Variants in MAML1 observed in about 807,000 individuals in gnomAD.
The protein encoded by MAML1 is mastermind like transcriptional coactivator 1.
In MAML1, 14 loss-of-function variants were observed where a neutral mutation model predicts 77.1. The observed-to-expected ratio is 0.18, with a 90% CI of 0.12 to 0.28. MAML1 has a LOEUF of 0.28. MAML1 is among the 10% of genes least tolerant of loss of function. The pLI, the probability that MAML1 is intolerant of heterozygous loss-of-function variation, is 1.00. For synonymous variants in MAML1, 516 were observed against 551.9 expected (o/e 0.93, Z 0.91); for missense variants, 1,217 against 1,327.8 (o/e 0.92, Z 1.30).
At chr5:179,757,610 G>A (rs1275584662) in intron 1 of MAML1, among the ~76,000 whole-genome samples, 1 of 152,060 alleles carries the variant, frequency 6.6e-6, no homozygotes. Flanking sequence ...TAAAGCCAAT[G>A]GAACTCTAGA....
chr5:179,767,473 A>C (rs990025264), intron 2 of MAML1, among the ~76,000 whole-genome samples: 1 of 152,202 alleles, frequency 6.6e-6, no homozygotes, highest in Admixed American at 6.5e-5. Flanking sequence ...ACATGCTGTA[A>C]AATGTTCATA....
intron 1 of MAML1, among the ~76,000 whole-genome samples, chr5:179,753,611 G>A (rs188689989): frequency 2.6e-5 from 4 of 151,704 alleles, no homozygotes; most frequent in Admixed American, 6.6e-5. Context: ...GATGAATCGG[G>A]GGGGAGAAGT....
chr5:179,753,214 TGTGTGTGTGCGCGC>T lies in MAML1; in HGVS notation c.316-12110_316-12097del, dbSNP rs1474761664. Among the ~76,000 whole-genome samples the T allele has an allele frequency of 2.2e-4, 29 of 130,398 alleles. No homozygotes were observed. In the East Asian group the frequency reaches 5.8e-3, roughly 26 times the overall value. 85.5% of individuals were successfully genotyped at this position (130,398 alleles called of 152,430 possible). On this transcript the variant is annotated intron_variant, in intron 1 of 4. Transcript: ENST00000292599. ...GTGTGTGTGTGTGTGTGTGTGTGTG[TGTGTGTGTGCGCGC>T]GCGCGCGCGCGTGCTGGGGTGAAGG...
chr5:179,755,641 G>C (rs550492851), intron 1 of MAML1, among the ~76,000 whole-genome samples: 2 of 151,932 alleles, frequency 1.3e-5, no homozygotes, highest in East Asian at 3.9e-4. Flanking sequence ...AGATGGCTTT[G>C]AATGCAGCCC....
chr5:179,759,357 C>T (rs1224458035), intron 1 of MAML1, among the ~76,000 whole-genome samples: 2 of 152,156 alleles, frequency 1.3e-5, no homozygotes, highest in East Asian at 3.8e-4. Context: ...GATGCTCATC[C>T]TCTAGGGTTG....
At chr5:179,759,856 T>G (rs544234073) in intron 1 of MAML1, among the ~76,000 whole-genome samples, 1 of 152,180 alleles carries the variant, frequency 6.6e-6, no homozygotes, top group South Asian at 2.1e-4. Context: ...ATAATTCAAG[T>G]GAGAGATATG....
intron 1 of MAML1, among the ~76,000 whole-genome samples, chr5:179,749,841 G>A (rs935337224): frequency 2.0e-5 from 3 of 152,144 alleles, no homozygotes; most frequent in African/African-American, 7.2e-5. Context: ...GAAACAGGAA[G>A]TACAGGGCAG....
chr5:179,745,854 C>T (rs62406182), intron 1 of MAML1, among the ~76,000 whole-genome samples: 1,130 of 88,512 alleles, frequency 0.013, 14 homozygotes, highest in Admixed American at 0.05. Context: ...AGCGCAACTC[C>T]GTCTCAAAAA....
At chr5:179,752,667 C>T (rs1212507359) in intron 1 of MAML1, among the ~76,000 whole-genome samples, 4 of 127,352 alleles carry the variant, frequency 3.1e-5, no homozygotes, top group South Asian at 5.1e-4. Context: ...AGTGCAGTGG[C>T]GTGATCTCAG....
chr5:179,771,745 C>CT lies in MAML1; in HGVS notation c.2068+503dup, dbSNP rs1374233355. Among the ~76,000 whole-genome samples, 2 of 152,194 alleles carry CT rather than the reference C, an allele frequency of 1.3e-5. No individual in the cohort carries two copies. Among genetic ancestry groups the CT allele is most frequent in the Non-Finnish European group, 2.9e-5 (2 of 68,044 alleles). ...GCACACTTGAGTCTAGCTGTCGCCT[C>CT]TGAGATGTGCCAGGGAACTTCATAG... On this transcript the variant is annotated intron_variant, in intron 4 of 4. Transcript: ENST00000292599. The surrounding 1 kb of genome is among the most constrained non-coding windows in gnomAD (Gnocchi z 4.7).
Position 179,776,121 on chromosome 5 carries a change from AAGATGGAG to A in MAML1, c.*1248_*1255del, listed in dbSNP as rs1403899605. 6.1e-6 allele frequency: 6 copies of A among 985,828 alleles called. No individual in the cohort carries two copies. The highest frequency in any genetic ancestry group is 6.1e-5 in the Admixed American group (1 of 16,278). The allele number at this position is 985,828 out of a possible 1,614,324, so 61.1% of individuals were successfully genotyped here. ...ACATGTGAGCTGTTTTTGGAAAACGAAGATGGAGAGAGCACTTCCCCGTAACGAAAGCA... is the reference window on the plus strand; with the variant it reads ...ACATGTGAGCTGTTTTTGGAAAACGAAGAGCACTTCCCCGTAACGAAAGCA... On this transcript the variant is annotated 3_prime_UTR_variant, in exon 5 of 5. Transcript: ENST00000292599.
At chr5:179,765,143 G>T (rs900722180) in intron 1 of MAML1, among the ~76,000 whole-genome samples, 183 bp from the exon 2 acceptor site, 2 of 152,062 alleles carry the variant, frequency 1.3e-5, no homozygotes, top group Non-Finnish European at 2.9e-5. Flanking sequence ...CTAGACATCA[G>T]TTCTGACTGG....
At chr5:179,735,843 A>G (rs1779157796) in intron 1 of MAML1, among the ~76,000 whole-genome samples, 1 of 150,750 alleles carries the variant, frequency 6.6e-6, no homozygotes, top group African/African-American at 2.5e-5. Context: ...GCACACTACC[A>G]CGCTTGGCTT....
Position 179,766,150 on chromosome 5 carries a change from G to C in MAML1, c.1140G>C (p.Val380=), listed in dbSNP as rs754880640. The C allele has an allele frequency of 6.3e-7, 1 of 1,575,502 alleles. No individual in the cohort carries two copies. Among genetic ancestry groups the C allele is most frequent in the South Asian group, 1.2e-5 (1 of 85,500 alleles). The change falls in exon 2 of 5, where the codon GTG becomes GTC. Residue 380 remains valine (V), a synonymous_variant. Transcript: ENST00000292599. The surrounding 1 kb of genome is among the most constrained non-coding windows in gnomAD (Gnocchi z 4.0). ...ACGCACAAAGAGCCCTTGCAGGTGT[G>C]GTATTGCCCAGTCAGGGCCCAGGAG... ...AQNAQRALAG[V]VLPSQGPGGA... is the part of the protein sequence containing the mutation.
chr5:179,742,999 TG>T (rs1409262438), intron 1 of MAML1, among the ~76,000 whole-genome samples: 2 of 151,480 alleles, frequency 1.3e-5, no homozygotes, highest in Non-Finnish European at 2.9e-5. Context: ...TATTTGAGAC[TG>T]GGTGTTTGGA....
chr5:179,737,150 A>G (rs1297220433), intron 1 of MAML1, among the ~76,000 whole-genome samples: 1 of 152,084 alleles, frequency 6.6e-6, no homozygotes, highest in Non-Finnish European at 1.5e-5. Flanking sequence ...ATTCCTTTTG[A>G]TATCAGAGCT....
Position 179,774,278 on chromosome 5 carries a change from C to G in MAML1, c.2452C>G (p.Pro818Ala). 6.2e-7 allele frequency: 1 copy of G among 1,613,406 alleles called. No homozygotes were observed. The highest frequency in any genetic ancestry group is 1.1e-5 in the South Asian group (1 of 91,068). The change falls in exon 5 of 5, where the codon CCT (proline) becomes GCT (alanine). Residue 818 changes from proline (P) to alanine (A), a missense_variant. This residue lies in a region of MAML1 where 884 missense variants were observed against 949.3 expected (regional missense o/e 0.93). Coordinates refer to ENST00000292599, the MANE Select transcript of MAML1 (RefSeq NM_014757.5). The part of the protein sequence containing the change: ...SQQHNKGTLN[P>A]GLTKPPVPRV... ...GCAGCACAATAAGGGGACCCTGAAC[C>G]CTGGTTTAACAAAGCCACCGGTCCC...
chr5:179,773,984 C>T lies in MAML1; in HGVS notation c.2158C>T (p.Pro720Ser). 1 of 1,614,222 alleles carries T rather than the reference C, an allele frequency of 6.2e-7. No individual in the cohort carries two copies. Among genetic ancestry groups the T allele is most frequent in the Admixed American group, 1.7e-5 (1 of 60,028 alleles). Residue 720 changes from proline to serine, a missense_variant, in exon 5 of 5, where the codon CCA becomes TCA. By Grantham distance (74) the Pro-to-Ser change is moderately conservative (BLOSUM62 -1). Transcript: ENST00000292599. Reference sequence around the variant, plus strand: ...GTTCCCTCAGGCTGGGAATCTGATGCCAATGGGCCCTGGACATGCTTCAGT... The same window carrying T: ...GTTCCCTCAGGCTGGGAATCTGATGTCAATGGGCCCTGGACATGCTTCAGT... ...RVFPQAGNLM[P>S]MGPGHASVSS...
At chr5:179,733,546 G>T in intron 1 of MAML1, 119 bp downstream of exon 1, 1 of 805,798 alleles carries the variant, frequency 1.2e-6, no homozygotes, top group Non-Finnish European at 1.5e-6. Context: ...TCCTGGATCT[G>T]GCTGGAGAGA....
Sources: gnomAD v4.1 joint callset for allele counts (sites outside exome capture counted in the v4.1 genomes callset) on GRCh38, gnomAD v4.1.1 for gene constraint, gnomAD v4.1.1 regional missense constraint, Gnocchi (gnomAD v3.1) non-coding constraint, MANE v1.5 for transcripts, NCBI Gene and HGNC (gene_info 2026-07-23, HGNC 2026-07-21) for gene names.